The following MCHR1 variants were observed in gnomAD, a reference collection of about 807,000 sequenced individuals.
MCHR1 encodes melanin-concentrating hormone receptor 1.
Under a neutral mutation model 20.4 loss-of-function variants are expected in MCHR1, and 13 were observed. That is an observed-to-expected ratio of 0.64 (90% CI 0.41 to 1.01). The LOEUF is 1.01. Ranked by LOEUF, MCHR1 falls within the 50% of genes least tolerant of loss-of-function variation. MCHR1 has a pLI of 0.00. For missense variants in MCHR1, 472 were observed against 477.0 expected (o/e 0.99, Z 0.10); for synonymous variants, 215 against 204.4 (o/e 1.05, Z -0.44).
In MCHR1 at chr22:40,681,717, G is replaced by A. The variant is rs756881800; in HGVS notation, c.851G>A (p.Arg284His). ...VLQLTQLSIS[R>H]PTLTFVYLYN... Reference sequence around the variant, plus strand: ...CAGCTGACCCAGTTGTCCATCAGCCGCCCGACCCTCACCTTTGTCTACTTA... The same window carrying A: ...CAGCTGACCCAGTTGTCCATCAGCCACCCGACCCTCACCTTTGTCTACTTA... The change falls in exon 2 of 2, where the codon CGC (arginine) becomes CAC (histidine). Residue 284 changes from arginine to histidine, a missense_variant. Physicochemically the swap from Arg to His is conservative, Grantham distance 29. Coordinates refer to ENST00000249016, the MANE Select transcript of MCHR1 (RefSeq NM_005297.4). This position sits in a 1 kb window ranked among gnomAD's most constrained non-coding sequence, Gnocchi z 4.3. 42 of 1,614,092 alleles carry A rather than the reference G, an allele frequency of 2.6e-5. No individual in the cohort carries two copies. Among genetic ancestry groups the A allele is most frequent in the South Asian group, 3.3e-5 (3 of 91,086 alleles).
rs2056887504 is a variant in MCHR1, at chr22:40,682,697, T to A, written c.*769T>A. On this transcript the variant is annotated 3_prime_UTR_variant, in exon 2 of 2. Transcript: ENST00000249016. ...TGCTCAGTCACTAATCCAGCTTGAG[T>A]GTCCGTGTGTTCTGCATGTGCAGGG... 1 of 153,020 alleles carries A rather than the reference T, an allele frequency of 6.5e-6. No homozygotes were observed. The highest frequency in any genetic ancestry group is 1.5e-5 in the Non-Finnish European group (1 of 68,690). The allele number at this position is 153,020 out of a possible 1,614,324, so 9.5% of individuals were successfully genotyped here.
In MCHR1 at chr22:40,681,205, G is replaced by T. The variant is rs1316187777; in HGVS notation, c.339G>T (p.Glu113Asp). ...LMGNGVWHFGETMCTLITAMD... is the reference protein window; with the variant it reads ...LMGNGVWHFGDTMCTLITAMD... ...GCAATGGGGTGTGGCACTTTGGGGA[G>T]ACCATGTGCACCCTCATCACGGCCA... Residue 113 changes from glutamate to aspartate, a missense_variant, in exon 2 of 2, where the codon GAG (glutamate) becomes GAT (aspartate). By Grantham distance (45) the Glu-to-Asp change is conservative (BLOSUM62 2). Coordinates refer to ENST00000249016, the MANE Select transcript of MCHR1 (RefSeq NM_005297.4). The surrounding 1 kb of genome is among the most constrained non-coding windows in gnomAD (Gnocchi z 4.3). 6.2e-7 allele frequency: 1 copy of T among 1,613,978 alleles called. No individual in the cohort carries two copies. Among genetic ancestry groups the T allele is most frequent in the East Asian group, 2.2e-5 (1 of 44,896 alleles).
chr22:40,681,961 C>T lies in MCHR1; in HGVS notation c.*33C>T. Reference sequence around the variant, plus strand: ...CCTGCCACCCTGCACACCTCCAAGTCAGGGCACCACAACACGCCACCGGGA... The same window carrying T: ...CCTGCCACCCTGCACACCTCCAAGTTAGGGCACCACAACACGCCACCGGGA... On this transcript the variant is annotated 3_prime_UTR_variant, in exon 2 of 2. Transcript: ENST00000249016. The surrounding 1 kb of genome is among the most constrained non-coding windows in gnomAD (Gnocchi z 4.3). The T allele has an allele frequency of 6.3e-7, 1 of 1,599,818 alleles. No homozygotes were observed. The highest frequency in any genetic ancestry group is 2.2e-5 in the East Asian group (1 of 44,882).
At position 40,682,360 on chromosome 22, in the gene MCHR1, C is replaced by T. The variant is rs199665718; in HGVS notation, c.*432C>T. On this transcript the variant is annotated 3_prime_UTR_variant, in exon 2 of 2. Transcript: ENST00000249016. Reference sequence around the variant, plus strand: ...CCTGAGAGACGGGAAAGGGCCCGATCGCTCTTTCCCGCCTCTCACTGGTGC... The same window carrying T: ...CCTGAGAGACGGGAAAGGGCCCGATTGCTCTTTCCCGCCTCTCACTGGTGC... 70 of 195,040 alleles carry T rather than the reference C, an allele frequency of 3.6e-4. No individual in the cohort carries two copies. The highest frequency in any genetic ancestry group is 1.4e-3 in the African/African-American group (63 of 43,630). The allele number at this position is 195,040 out of a possible 1,614,324, so 12.1% of individuals were successfully genotyped here.
At chr22:40,680,304 G>T (rs957275698) in intron 1 of MCHR1, 1 of 192,910 alleles carries the variant, frequency 5.2e-6, no homozygotes, top group Non-Finnish European at 1.1e-5. Context: ...AAGAGGAAAG[G>T]CTTATGTAGA....
Position 40,681,589 on chromosome 22 carries a change from C to A in MCHR1, c.723C>A (p.Pro241=), listed in dbSNP as rs201924679. ...ILQRMTSSVA[P]ASQRSIRLRT... ...AGCGCATGACGTCCTCAGTGGCCCCCGCCTCCCAGCGCAGCATCCGGCTGC... is the reference window on the plus strand; with the variant it reads ...AGCGCATGACGTCCTCAGTGGCCCCAGCCTCCCAGCGCAGCATCCGGCTGC... The change falls in exon 2 of 2, where the codon CCC becomes CCA. Residue 241 remains proline (P), a synonymous_variant. Coordinates refer to ENST00000249016, the MANE Select transcript of MCHR1 (RefSeq NM_005297.4). This position sits in a 1 kb window ranked among gnomAD's most constrained non-coding sequence, Gnocchi z 4.3. The A allele has an allele frequency of 1.9e-6, 3 of 1,613,914 alleles. No individual in the cohort carries two copies. The highest frequency in any genetic ancestry group is 2.5e-6 in the Non-Finnish European group (3 of 1,180,060).
Position 40,681,640 on chromosome 22 carries a change from C to T in MCHR1, c.774C>T (p.Ala258=), listed in dbSNP as rs1241901338. The T allele has an allele frequency of 1.4e-5, 23 of 1,614,284 alleles. No homozygotes were observed. Among genetic ancestry groups the T allele is most frequent in the Non-Finnish European group, 1.7e-5 (20 of 1,180,050 alleles). Residue 258 remains alanine (A), a synonymous_variant, in exon 2 of 2, where the codon GCC becomes GCT. Transcript: ENST00000249016. This position sits in a 1 kb window ranked among gnomAD's most constrained non-coding sequence, Gnocchi z 4.3. ...RLRTKRVTRT[A]IAICLVFFVC... ...GGACAAAGAGGGTGACCCGCACAGC[C>T]ATCGCCATCTGTCTGGTCTTCTTTG...
chr22:40,681,221 A>T lies in MCHR1; in HGVS notation c.355A>T (p.Ile119Phe). Residue 119 changes from isoleucine (I) to phenylalanine (F), a missense_variant, in exon 2 of 2, where the codon ATC (isoleucine) becomes TTC (phenylalanine). Ile to Phe is a conservative substitution (Grantham distance 21). Coordinates refer to ENST00000249016, the MANE Select transcript of MCHR1 (RefSeq NM_005297.4). The surrounding 1 kb of genome is among the most constrained non-coding windows in gnomAD (Gnocchi z 4.3). The stretch of plus-strand genomic sequence containing the variant: ...CTTTGGGGAGACCATGTGCACCCTC[A>T]TCACGGCCATGGATGCCAATAGTCA... ...WHFGETMCTL[I>F]TAMDANSQFT... is the part of the protein sequence containing the mutation. 6.2e-7 allele frequency: 1 copy of T among 1,614,132 alleles called. No individual in the cohort carries two copies. Among genetic ancestry groups the T allele is most frequent in the African/African-American group, 1.3e-5 (1 of 75,038 alleles).
Position 40,682,031 on chromosome 22 carries a change from G to T in MCHR1, c.*103G>T. ...AAGACCGCTCGGGAAATGCAGGAAG[G>T]CCGGGTTGTGAGGGGTTGTTGCAAT... On this transcript the variant is annotated 3_prime_UTR_variant, in exon 2 of 2. Transcript: ENST00000249016. The T allele has an allele frequency of 6.8e-7, 1 of 1,476,040 alleles. No homozygotes were observed. The highest frequency in any genetic ancestry group is 9.2e-7 in the Non-Finnish European group (1 of 1,081,530). 91.4% of individuals were successfully genotyped at this position (1,476,040 alleles called of 1,614,324 possible).
rs201939399 is a variant in MCHR1, at chr22:40,682,143, G to C, written c.*215G>C. Reference sequence around the variant, plus strand: ...TTTTCAGATATCAGAAATCCCCTTGGGGGAGCAGGATGAGACCTTTGGATA... The same window carrying C: ...TTTTCAGATATCAGAAATCCCCTTGCGGGAGCAGGATGAGACCTTTGGATA... On this transcript the variant is annotated 3_prime_UTR_variant, in exon 2 of 2. Coordinates refer to ENST00000249016, the MANE Select transcript of MCHR1 (RefSeq NM_005297.4). The C allele has an allele frequency of 1.3e-5, 8 of 622,872 alleles. No homozygotes were observed. Among genetic ancestry groups the C allele is most frequent in the Non-Finnish European group, 2.3e-5 (8 of 355,086 alleles). The allele number at this position is 622,872 out of a possible 1,614,324, so 38.6% of individuals were successfully genotyped here.
At chr22:40,680,768 C>A (rs1422715582) in intron 1 of MCHR1, 181 bp from the exon 2 acceptor site, 1 of 985,156 alleles carries the variant, frequency 1.0e-6, no homozygotes, top group East Asian at 1.1e-4. Flanking sequence ...TGGTAGGATT[C>A]ACCAGGAAAC....
chr22:40,680,958 C>T lies in MCHR1; in HGVS notation c.92C>T (p.Pro31Leu), dbSNP rs769413588. Reference protein sequence around the residue: ...PDNLTSAGSPPRTGSISYINI... With the variant: ...PDNLTSAGSPLRTGSISYINI... ...CTCCTTCTGTCCCCAGGATCACCTC[C>T]TCGCACGGGGAGCATCTCCTACATC... The change falls in exon 2 of 2, where the codon CCT (proline) becomes CTT (leucine). Residue 31 changes from proline (P) to leucine (L), a missense_variant. Pro to Leu is a moderately conservative substitution (Grantham distance 98, BLOSUM62 -3). Transcript: ENST00000249016. 4.3e-6 allele frequency: 7 copies of T among 1,613,956 alleles called. No homozygotes were observed. Among genetic ancestry groups the T allele is most frequent in the Non-Finnish European group, 8.5e-7 (1 of 1,180,048 alleles).
rs199762806 is a variant in MCHR1, at chr22:40,681,935, C to T, written c.*7C>T. 4 of 1,602,492 alleles carry T rather than the reference C, an allele frequency of 2.5e-6. No homozygotes were observed. The highest frequency in any genetic ancestry group is 1.7e-5 in the Admixed American group (1 of 60,004). On this transcript the variant is annotated 3_prime_UTR_variant, in exon 2 of 2. Coordinates refer to ENST00000249016, the MANE Select transcript of MCHR1 (RefSeq NM_005297.4). The surrounding 1 kb of genome is among the most constrained non-coding windows in gnomAD (Gnocchi z 4.3). Reference sequence around the variant, plus strand: ...AGAAAGCAAAGGCACCTGATACTTCCCCTGCCACCCTGCACACCTCCAAGT... The same window carrying T: ...AGAAAGCAAAGGCACCTGATACTTCTCCTGCCACCCTGCACACCTCCAAGT...
rs763196557 is a variant in MCHR1 at position 40,681,087 on chromosome 22, GCAA to G, written c.226_228del (p.Asn76del). On this transcript the variant is annotated inframe_deletion, in exon 2 of 2. Transcript: ENST00000249016. This position sits in a 1 kb window ranked among gnomAD's most constrained non-coding sequence, Gnocchi z 4.3. ...GTGAAGAAGTCCAAGCTGCACTGGT[GCAA>G]CAACGTCCCCGACATCTTCATCATC... The G allele has an allele frequency of 1.2e-6, 2 of 1,614,078 alleles. No individual in the cohort carries two copies. Among genetic ancestry groups the G allele is most frequent in the South Asian group, 1.1e-5 (1 of 91,072 alleles).
chr22:40,682,394 G>T lies in MCHR1; in HGVS notation c.*466G>T. 1 of 180,286 alleles carries T rather than the reference G, an allele frequency of 5.5e-6. No individual in the cohort carries two copies. The highest frequency in any genetic ancestry group is 1.2e-5 in the Non-Finnish European group (1 of 83,196). The allele number at this position is 180,286 out of a possible 1,614,324, so 11.2% of individuals were successfully genotyped here. On this transcript the variant is annotated 3_prime_UTR_variant, in exon 2 of 2. Transcript: ENST00000249016. ...CCGCCTCTCACTGGTGCGATGGAAG[G>T]TGGCCTTTCTCCCAAGCTGGTGGAT...
rs374850218 is a variant in MCHR1, at chr22:40,680,973, T to A, written c.107T>A (p.Ile36Asn). The A allele has an allele frequency of 6.8e-6, 11 of 1,614,056 alleles. No individual in the cohort carries two copies. The highest frequency in any genetic ancestry group is 1.6e-4 in the Middle Eastern group (1 of 6,062). ...GGATCACCTCCTCGCACGGGGAGCA[T>A]CTCCTACATCAACATCATCATGCCT... ...SAGSPPRTGS[I>N]SYINIIMPSV... Residue 36 changes from isoleucine (I) to asparagine (N), a missense_variant, in exon 2 of 2, where the codon ATC becomes AAC. Physicochemically the swap from Ile to Asn is moderately radical, Grantham distance 149 (BLOSUM62 -3). Coordinates refer to ENST00000249016, the MANE Select transcript of MCHR1 (RefSeq NM_005297.4).
rs957905341 is a variant in MCHR1 at position 40,682,347 on chromosome 22, G to T, written c.*419G>T. 4.7e-6 allele frequency: 1 copy of T among 211,744 alleles called. No homozygotes were observed. Among genetic ancestry groups the T allele is most frequent in the African/African-American group, 2.2e-5 (1 of 44,464 alleles). 13.1% of individuals were successfully genotyped at this position (211,744 alleles called of 1,614,324 possible). A position where few individuals can be genotyped will look rare whatever the true frequency, so the allele number is the denominator to read the frequency against. ...ATGTTGCACAAGGCCTGAGAGACGGGAAAGGGCCCGATCGCTCTTTCCCGC... is the reference window on the plus strand; with the variant it reads ...ATGTTGCACAAGGCCTGAGAGACGGTAAAGGGCCCGATCGCTCTTTCCCGC... On this transcript the variant is annotated 3_prime_UTR_variant, in exon 2 of 2. Coordinates refer to ENST00000249016, the MANE Select transcript of MCHR1 (RefSeq NM_005297.4).
chr22:40,681,390 T>A lies in MCHR1; in HGVS notation c.524T>A (p.Ile175Asn), dbSNP rs200701196. 1.9e-6 allele frequency: 3 copies of A among 1,614,090 alleles called. No homozygotes were observed. Among genetic ancestry groups the A allele is most frequent in the Non-Finnish European group, 2.5e-6 (3 of 1,180,058 alleles). The change falls in exon 2 of 2, where the codon ATC becomes AAC. Residue 175 changes from isoleucine (I) to asparagine (N), a missense_variant. By Grantham distance (149) the Ile-to-Asn change is moderately radical. Transcript: ENST00000249016. The surrounding 1 kb of genome is among the most constrained non-coding windows in gnomAD (Gnocchi z 4.3). ...CTGTGGGCCCTCTCCTTCATCAGCA[T>A]CACCCCTGTGTGGCTGTATGCCAGA... ...CLLWALSFISITPVWLYARLI... is the reference protein window; with the variant it reads ...CLLWALSFISNTPVWLYARLI...
chr22:40,681,355 G>T lies in MCHR1; in HGVS notation c.489G>T (p.Val163=), dbSNP rs1363056377. The change falls in exon 2 of 2, where the codon GTG becomes GTT. Residue 163 remains valine (V), a synonymous_variant. Transcript: ENST00000249016. This position sits in a 1 kb window ranked among gnomAD's most constrained non-coding sequence, Gnocchi z 4.3. ...GGAAGCCCTCTGTGGCCACCCTGGT[G>T]ATCTGCCTCCTGTGGGCCCTCTCCT... The part of the protein sequence containing the change: ...KFRKPSVATL[V]ICLLWALSFI... The T allele has an allele frequency of 3.7e-6, 6 of 1,614,076 alleles. No individual in the cohort carries two copies. The highest frequency in any genetic ancestry group is 5.1e-6 in the Non-Finnish European group (6 of 1,180,052).
Sources: gnomAD v4.1 joint callset for allele counts on GRCh38, gnomAD v4.1.1 for gene constraint, Gnocchi (gnomAD v3.1) non-coding constraint, MANE v1.5 for transcripts, NCBI Gene and HGNC (gene_info 2026-07-23, HGNC 2026-07-21) for gene names.